RGS8: variants seen among roughly 807,000 people sequenced by gnomAD.
RGS8 encodes the protein regulator of G protein signaling 8, also known as regulator of G-protein signaling 8.
In RGS8, 8 loss-of-function variants were observed where a neutral mutation model predicts 21.7. That is an observed-to-expected ratio of 0.37 (90% CI 0.22 to 0.66). The LOEUF (loss-of-function observed/expected upper bound fraction) is 0.66, where lower values mean the gene tolerates loss of function less well. Ranked by LOEUF, RGS8 falls within the 30% of genes least tolerant of loss-of-function variation. The pLI, the probability that RGS8 is intolerant of heterozygous loss-of-function variation, is 0.59. For missense variants in RGS8, 157 were observed against 217.9 expected, an observed-to-expected ratio of 0.72 and a Z score of 1.76; for synonymous variants, 80 against 83.6, an observed-to-expected ratio of 0.96 and a Z score of 0.24.
chr1:182,648,415 C>T (rs1571305899), intron 5 of RGS8, 112 bp from the exon 7 acceptor site: 1 of 1,082,936 alleles, frequency 9.2e-7, no homozygotes, highest in Non-Finnish European at 1.3e-6. Context: ...TGTCCAAGCT[C>T]ACTGCTCCTC....
chr1:182,693,585 A>C, the RGS8 span, among the ~76,000 whole-genome samples: 2 of 152,266 alleles, frequency 1.3e-5, no homozygotes, highest in Non-Finnish European at 2.9e-5. Context: ...AACTTAAGAC[A>C]GAATTACCAT....
upstream of RGS8, chr1:182,673,030 T>G (rs1664236867): frequency 1.6e-6 from 1 of 632,128 alleles, no homozygotes; most frequent in Admixed American, 2.7e-5. Context: ...GTGACTGTGA[T>G]GCATGCTAAA....
intron 5 of RGS8, among the ~76,000 whole-genome samples, chr1:182,665,648 A>G (rs1295326): frequency 0.026 from 3,885 of 152,266 alleles, 177 homozygotes; most frequent in African/African-American, 0.085. Context: ...GCTGGAACCT[A>G]GCTTCTCTCA....
At chr1:182,742,421 C>T in the RGS8 span, among the ~76,000 whole-genome samples, 1 of 152,056 alleles carries the variant, frequency 6.6e-6, no homozygotes, top group Non-Finnish European at 1.5e-5. Context: ...GAGCCGAGAT[C>T]ACGCCACTGC....
chr1:182,740,544 GTTTGTTTTTTTTT>G, the RGS8 span, among the ~76,000 whole-genome samples: 4 of 103,322 alleles, frequency 3.9e-5, no homozygotes, highest in South Asian at 3.5e-4. Flanking sequence ...TTTTTTGTTT[GTTTGTTTTTTTTT>G]TTTTTTTTTT....
the RGS8 span, among the ~76,000 whole-genome samples, chr1:182,734,168 G>A: frequency 5.9e-5 from 9 of 152,064 alleles, no homozygotes; most frequent in African/African-American, 1.9e-4. Flanking sequence ...CAATCCGCCC[G>A]CCTCAGCCTC....
the RGS8 span, among the ~76,000 whole-genome samples, chr1:182,702,368 G>A: frequency 6.6e-6 from 1 of 152,054 alleles, no homozygotes; most frequent in Admixed American, 6.6e-5. Context: ...GGCAACAATC[G>A]AAAAGATGAC....
chr1:182,653,450 C>T (rs934012139), intron 5 of RGS8, among the ~76,000 whole-genome samples: 1 of 151,418 alleles, frequency 6.6e-6, no homozygotes, highest in Non-Finnish European at 1.5e-5. Flanking sequence ...AATCCCAGCA[C>T]TTTGGGAGGC....
At chr1:182,659,979 A>G (rs1663505344) in intron 5 of RGS8, among the ~76,000 whole-genome samples, 1 of 152,188 alleles carries the variant, frequency 6.6e-6, no homozygotes. Flanking sequence ...CCTATTGGCA[A>G]TTCTAATACT....
At chr1:182,648,269 C>T (rs776626341) in exon 6 of RGS8, 16 of 1,613,508 alleles carry the variant, frequency 9.9e-6, no homozygotes, top group Middle Eastern at 1.7e-4. Flanking sequence ...CACTGAACTC[C>T]GTCTTCAAGA....
the RGS8 span, among the ~76,000 whole-genome samples, chr1:182,747,041 G>GTTTTTTTTTTTTTTTTTTTTT: frequency 7.6e-5 from 2 of 26,194 alleles, no homozygotes; most frequent in Non-Finnish European, 2.2e-4. Flanking sequence ...AACACTGCTG[G>GTTTTTTTTTTTTTTTTTTTTT]TCTTTTTTTT....
At chr1:182,690,661 T>C in the RGS8 span, among the ~76,000 whole-genome samples, 1,066 of 152,298 alleles carry the variant, frequency 7.0e-3, 7 homozygotes, top group Non-Finnish European at 0.013. Context: ...CTGAAATAAA[T>C]TGTTAAGTAG....
chr1:182,710,517 G>A, the RGS8 span, among the ~76,000 whole-genome samples: 1 of 152,156 alleles, frequency 6.6e-6, no homozygotes, highest in African/African-American at 2.4e-5. Flanking sequence ...TCCAGGGTCA[G>A]GTGTCCTGTG....
At chr1:182,711,004 A>G in the RGS8 span, among the ~76,000 whole-genome samples, 7 of 152,298 alleles carry the variant, frequency 4.6e-5, no homozygotes, top group South Asian at 4.1e-4. Context: ...GTGAGTCCCA[A>G]TGCAAGAGGC....
At chr1:182,704,467 T>G in the RGS8 span, among the ~76,000 whole-genome samples, 1 of 152,116 alleles carries the variant, frequency 6.6e-6, no homozygotes, top group African/African-American at 2.4e-5. Context: ...CCAGGAGCCC[T>G]CCCAATTTCA....
chr1:182,751,653 T>C, the RGS8 span, among the ~76,000 whole-genome samples: 1 of 152,216 alleles, frequency 6.6e-6, no homozygotes, highest in African/African-American at 2.4e-5. Context: ...ATTTTTGCTA[T>C]GATTTAGCCT....
chr1:182,740,515 G>A, the RGS8 span, among the ~76,000 whole-genome samples: 1 of 146,878 alleles, frequency 6.8e-6, no homozygotes, highest in Non-Finnish European at 1.5e-5. Context: ...CTCATTTCAG[G>A]ATTTGAACTC....
the RGS8 span, among the ~76,000 whole-genome samples, chr1:182,730,994 T>A: frequency 6.6e-6 from 1 of 152,126 alleles, no homozygotes; most frequent in Non-Finnish European, 1.5e-5. Flanking sequence ...AATCTTCACT[T>A]CTCCCTGCTG....
At chr1:182,650,334 T>C (rs111307767) in intron 5 of RGS8, among the ~76,000 whole-genome samples, 6 of 152,372 alleles carry the variant, frequency 3.9e-5, no homozygotes, top group Middle Eastern at 3.4e-3. Context: ...ATATATTCAA[T>C]GCTTACTTTT....
Sources: gnomAD v4.1 joint callset for allele counts (sites outside exome capture counted in the v4.1 genomes callset) on GRCh38, gnomAD v4.1.1 for gene constraint, MANE v1.5 for transcripts, NCBI Gene and HGNC (gene_info 2026-07-23, HGNC 2026-07-21) for gene names.